Variants in USP49 observed in about 807,000 individuals in gnomAD.
USP49 encodes ubiquitin specific peptidase 49.
USP49 carries 24 observed loss-of-function variants against 58.6 expected under a neutral mutation model. The observed-to-expected ratio is 0.41, with a 90% confidence interval of 0.30 to 0.58. The LOEUF is 0.58. USP49 is among the 20% of genes least tolerant of loss of function. The pLI is 0.30. For synonymous variants in USP49, 408 were observed against 365.1 expected (o/e 1.12, Z -1.34); for missense variants, 703 against 866.1 (o/e 0.81, Z 2.36).
chr6:41,888,974 T>C (rs1341587254), intron 2 of USP49, among the ~76,000 whole-genome samples: 1 of 152,164 alleles, frequency 6.6e-6, no homozygotes, highest in African/African-American at 2.4e-5. Context: ...AATATTAAGA[T>C]ATTTCCATTC....
chr6:41,850,397 C>T (rs370456655), intron 3 of USP49, among the ~76,000 whole-genome samples: 21 of 150,496 alleles, frequency 1.4e-4, no homozygotes, highest in African/African-American at 4.1e-4. Context: ...GAGCTGAGAT[C>T]GTGCCACTAC....
intron 3 of USP49, among the ~76,000 whole-genome samples, chr6:41,853,096 G>T (rs1308992666): frequency 6.6e-6 from 1 of 152,178 alleles, no homozygotes; most frequent in Non-Finnish European, 1.5e-5. Context: ...TAAGGCAGGA[G>T]AATCGCTTGA....
chr6:41,841,913 C>G (rs573906971), intron 3 of USP49, among the ~76,000 whole-genome samples: 4 of 152,016 alleles, frequency 2.6e-5, no homozygotes, highest in Non-Finnish European at 5.9e-5. Context: ...AAAAATTAGC[C>G]GGGTGTGGTG....
At chr6:41,827,671 T>G (rs931887339) in intron 3 of USP49, among the ~76,000 whole-genome samples, 3 of 98,966 alleles carry the variant, frequency 3.0e-5, no homozygotes, top group Non-Finnish European at 5.8e-5. Flanking sequence ...CAAGACTCTG[T>G]CTCCAAAAAA....
chr6:41,858,440 T>G (rs557256072), intron 3 of USP49, among the ~76,000 whole-genome samples: 2 of 152,124 alleles, frequency 1.3e-5, no homozygotes, highest in African/African-American at 2.4e-5. Context: ...TCCCATCAAT[T>G]CCCAAATCCT....
chr6:41,834,318 C>T (rs1450982636), intron 3 of USP49, among the ~76,000 whole-genome samples: 3 of 152,110 alleles, frequency 2.0e-5, no homozygotes, highest in Non-Finnish European at 4.4e-5. Flanking sequence ...AATGATTATA[C>T]AATAATAACA....
rs771035255 is a variant in USP49, at chr6:41,798,716, G to A, written c.1876+8C>T. 3.5e-5 allele frequency: 56 copies of A among 1,613,790 alleles called. No homozygotes were observed. The highest frequency in any genetic ancestry group is 2.3e-4 in the South Asian group (21 of 91,070). On this transcript the variant is annotated splice_region_variant and intron_variant, in intron 7 of 7. Coordinates refer to ENST00000682992, the MANE Select transcript of USP49 (RefSeq NM_001286554.2). ...TGTCCCCCACCCCACAGAGTAAAGC[G>A]CACGCACCTCCCTCTGTGTTGTAGC... is the stretch of plus-strand genomic sequence containing the variant.
At chr6:41,802,448 A>ATTTTTTTTTTTTT (rs1363216201) in intron 5 of USP49, among the ~76,000 whole-genome samples, 2 of 53,334 alleles carry the variant, frequency 3.7e-5, no homozygotes, top group Admixed American at 2.5e-4. Flanking sequence ...TTATTTATTT[A>ATTTTTTTTTTTTT]TTTATTTATT....
chr6:41,860,259 G>T (rs1253147373), intron 3 of USP49, among the ~76,000 whole-genome samples: 1 of 151,698 alleles, frequency 6.6e-6, no homozygotes, highest in African/African-American at 2.4e-5. Flanking sequence ...CTTGCAAGGA[G>T]AGAGGGAGGG....
chr6:41,864,647 A>G (rs1165490886), intron 3 of USP49, among the ~76,000 whole-genome samples: 2 of 152,224 alleles, frequency 1.3e-5, no homozygotes, highest in East Asian at 1.9e-4. Context: ...AAATTCTATT[A>G]AAGTATATTT....
At position 41,790,584 on chromosome 6, in the gene USP49, T is replaced by C. The variant is rs1281275677; in HGVS notation, c.*5949A>G. ...CTAGTATGGGATTAAAGGACGTTAA[T>C]TGGAAAGGAGGGTCAGTATATAAGG... On this transcript the variant is annotated 3_prime_UTR_variant, in exon 8 of 8. Coordinates refer to ENST00000682992, the MANE Select transcript of USP49 (RefSeq NM_001286554.2). The C allele has an allele frequency of 1.3e-5, 2 of 152,122 alleles. No homozygotes were observed. Among genetic ancestry groups the C allele is most frequent in the African/African-American group, 2.4e-5 (1 of 41,404 alleles). The allele number at this position is 152,122 out of a possible 1,614,324, so 9.4% of individuals were successfully genotyped here.
At chr6:41,833,634 C>A (rs896169998) in intron 3 of USP49, among the ~76,000 whole-genome samples, 1 of 152,130 alleles carries the variant, frequency 6.6e-6, no homozygotes, top group Non-Finnish European at 1.5e-5. Context: ...AATAACTATA[C>A]CAAACCTTCT....
At chr6:41,862,072 T>G (rs1774233527) in intron 3 of USP49, among the ~76,000 whole-genome samples, 2 of 152,166 alleles carry the variant, frequency 1.3e-5, no homozygotes, top group African/African-American at 4.8e-5. Context: ...CTAGCCCCCA[T>G]GAGAGGAGAA....
At chr6:41,853,907 G>A (rs184814180) in intron 3 of USP49, among the ~76,000 whole-genome samples, 1 of 148,716 alleles carries the variant, frequency 6.7e-6, no homozygotes, top group Non-Finnish European at 1.5e-5. Flanking sequence ...GCTGAGGCAG[G>A]AGAATTGCTT....
rs374788761 is a variant in USP49 at position 41,803,769 on chromosome 6, C to A, written c.1561+37G>T. On this transcript the variant is annotated intron_variant, in intron 5 of 7. Coordinates refer to ENST00000682992, the MANE Select transcript of USP49 (RefSeq NM_001286554.2). This position sits in a 1 kb window ranked among gnomAD's most constrained non-coding sequence, Gnocchi z 4.1. The stretch of plus-strand genomic sequence containing the variant: ...ACCTTAAACTGATATTCCAATTATT[C>A]TTCCCCACTACGCCCCCTCCTCCAC... 68 of 1,607,416 alleles carry A rather than the reference C, an allele frequency of 4.2e-5. No homozygotes were observed. Among genetic ancestry groups the A allele is most frequent in the Non-Finnish European group, 5.2e-5 (61 of 1,174,568 alleles).
In USP49 at chr6:41,864,336, G is replaced by A. The variant is rs1205886038; in HGVS notation, c.-29+7228C>T. ...CCAGCACTTTGGGAGGCTGAGGCGG[G>A]CGGATCACCTGAGGTCAGGAGTTCG... On this transcript the variant is annotated intron_variant, in intron 3 of 7. Coordinates refer to ENST00000682992, the MANE Select transcript of USP49 (RefSeq NM_001286554.2). Among the ~76,000 whole-genome samples, 3 of 152,186 alleles carry A rather than the reference G, an allele frequency of 2.0e-5. No individual in the cohort carries two copies. The East Asian group carries it at 5.8e-4, about 29-fold the overall frequency.
intron 5 of USP49, among the ~76,000 whole-genome samples, chr6:41,802,468 A>ATTTTTT (rs1178634996): frequency 9.5e-5 from 7 of 73,896 alleles, no homozygotes; most frequent in African/African-American, 3.8e-4. Context: ...TTATTTATTT[A>ATTTTTT]TTTTTTATTT....
intron 3 of USP49, among the ~76,000 whole-genome samples, chr6:41,824,304 T>A (rs1261980562): frequency 6.6e-6 from 1 of 152,122 alleles, no homozygotes; most frequent in East Asian, 1.9e-4. Context: ...CACTATCTTT[T>A]TAAAGCAAAT....
chr6:41,843,153 G>GC (rs1278588945), intron 3 of USP49, among the ~76,000 whole-genome samples: 4 of 152,318 alleles, frequency 2.6e-5, no homozygotes, highest in Admixed American at 6.5e-5. Flanking sequence ...GGGGCTACAG[G>GC]CGTAGGCCAC....
Sources: allele counts gnomAD v4.1 joint callset (sites outside exome capture counted in the v4.1 genomes callset), GRCh38; gene constraint gnomAD v4.1.1; non-coding constraint Gnocchi (gnomAD v3.1); transcripts MANE v1.5; gene names NCBI Gene and HGNC (gene_info 2026-07-23, HGNC 2026-07-21).